The following ATM variants were observed in gnomAD, a reference collection of about 807,000 sequenced individuals.
ATM encodes the protein serine-protein kinase ATM.
ATM carries 308 observed loss-of-function variants against 387.0 expected under a neutral mutation model. The ratio of observed to expected loss-of-function variants is 0.80; its 90% CI spans 0.73 to 0.87. ATM has a LOEUF of 0.87. Among genes scored for constraint, ATM ranks in the 40% least tolerant of loss-of-function variants. The pLI, the probability that ATM is intolerant of heterozygous loss-of-function variation, is 0.00. For synonymous variants in ATM, 1,156 were observed against 1,187.3 expected (o/e 0.97, Z 0.54); for missense variants, 3,312 against 3,560.9 (o/e 0.93, Z 1.78).
At chr11:108,233,059 A>G (rs561313927) in intron 4 of ATM, among the ~76,000 whole-genome samples, 1 of 151,910 alleles carries the variant, frequency 6.6e-6, no homozygotes, top group East Asian at 1.9e-4. Context: ...ACGGGGTTTC[A>G]CCACATTGGT....
Position 108,297,397 on chromosome 11 carries a change from T to G in ATM, c.5005+15T>G, listed in dbSNP as rs377355762. 4 of 1,574,974 alleles carry G rather than the reference T, an allele frequency of 2.5e-6. No individual in the cohort carries two copies. The South Asian group carries it at 3.3e-5, about 13-fold the overall frequency. ...AGAAGTTCTAGGTAAACTACAGTCATGCGCTGCGTGACATTTCAGTCAACT... is the reference window on the plus strand; with the variant it reads ...AGAAGTTCTAGGTAAACTACAGTCAGGCGCTGCGTGACATTTCAGTCAACT... On this transcript the variant is annotated intron_variant, in intron 33 of 62. Transcript: ENST00000675843.
chr11:108,339,210 A>G (rs1012323488), intron 56 of ATM, among the ~76,000 whole-genome samples: 3 of 152,178 alleles, frequency 2.0e-5, no homozygotes, highest in Non-Finnish European at 4.4e-5. Flanking sequence ...CATTGTTACA[A>G]AGTATACTGA....
At chr11:108,273,030 T>C (rs2081687753) in intron 22 of ATM, among the ~76,000 whole-genome samples, 178 bp downstream of exon 22, 1 of 152,214 alleles carries the variant, frequency 6.6e-6, no homozygotes, top group Admixed American at 6.5e-5. Flanking sequence ...TAGATTCTAT[T>C]ATTTCCTTCA....
intron 40 of ATM, 59 bp downstream of exon 40, chr11:108,312,557 T>C: frequency 8.1e-7 from 1 of 1,235,422 alleles, no homozygotes; most frequent in Non-Finnish European, 1.2e-6. Context: ...TGGGTTATTT[T>C]GTTATAGACA....
intron 9 of ATM, 22 bp downstream of exon 9, chr11:108,249,124 A>G (rs1417495845): frequency 6.2e-7 from 1 of 1,612,488 alleles, no homozygotes; most frequent in Non-Finnish European, 8.5e-7. Context: ...CCATTTTCTC[A>G]TTCAGTGTCA....
intron 50 of ATM, 67 bp downstream of exon 50, chr11:108,330,488 C>G: frequency 1.3e-6 from 2 of 1,498,384 alleles, no homozygotes; most frequent in South Asian, 2.3e-5. Flanking sequence ...CCCTTGATGT[C>G]AGGAATCGTG....
chr11:108,313,067 A>G (rs1397583380), intron 40 of ATM, among the ~76,000 whole-genome samples: 1 of 152,158 alleles, frequency 6.6e-6, no homozygotes, highest in Non-Finnish European at 1.5e-5. Context: ...TAGAGAGGAA[A>G]TCTCGCCACA....
intron 59 of ATM, among the ~76,000 whole-genome samples, chr11:108,351,656 A>G (rs573799685): frequency 2.6e-5 from 4 of 152,232 alleles, no homozygotes; most frequent in African/African-American, 9.6e-5. Context: ...TCCTGGACCT[A>G]CTCAGCATCT....
At chr11:108,302,010 G>A (rs1235598370) in intron 35 of ATM, among the ~76,000 whole-genome samples, 1 of 152,122 alleles carries the variant, frequency 6.6e-6, no homozygotes, top group Non-Finnish European at 1.5e-5. Context: ...GGAAATAGTA[G>A]TTGATTTTTG....
rs1423446897 is a variant in ATM at position 108,257,604 on chromosome 11, A to G, written c.2374A>G (p.Lys792Glu). Residue 792 changes from lysine to glutamate, a missense_variant and splice_region_variant, in exon 15 of 63, where the codon AAG (lysine) becomes GAG (glutamate). By Grantham distance (56) the Lys-to-Glu change is moderately conservative. Transcript: ENST00000675843. ...LCTRCLSNCT[K>E]KSPNKIASGF... is the part of the protein sequence containing the mutation. ...TACACGTTGCTTGAGCAACTGTACC[A>G]AGGTAAGATTTTCTTCTTCTTGTTT... 3.7e-6 allele frequency: 6 copies of G among 1,613,502 alleles called. No individual in the cohort carries two copies. The highest frequency in any genetic ancestry group is 5.1e-6 in the Non-Finnish European group (6 of 1,179,944).
intron 56 of ATM, among the ~76,000 whole-genome samples, chr11:108,338,632 G>T (rs913102124): frequency 1.3e-5 from 2 of 151,894 alleles, no homozygotes; most frequent in Middle Eastern, 3.2e-3. Flanking sequence ...GTCCAGTCTG[G>T]ACAACAGAGC....
intron 16 of ATM, among the ~76,000 whole-genome samples, chr11:108,264,441 C>T (rs2081095042): frequency 6.6e-6 from 1 of 152,136 alleles, no homozygotes; most frequent in Middle Eastern, 3.2e-3. Context: ...ACCCTTCATG[C>T]CAAAAACTCT....
chr11:108,313,374 A>C (rs2084336186), intron 40 of ATM, among the ~76,000 whole-genome samples: 1 of 151,998 alleles, frequency 6.6e-6, no homozygotes, highest in Admixed American at 6.6e-5. Flanking sequence ...CTCACAGACA[A>C]ACTTTGTGAA....
chr11:108,294,041 TC>T (rs2082987070), intron 31 of ATM, among the ~76,000 whole-genome samples: 2 of 151,638 alleles, frequency 1.3e-5, no homozygotes, highest in South Asian at 4.2e-4. Context: ...TAACAAAACT[TC>T]CTGGTAAAGA....
Position 108,301,889 on chromosome 11 carries a change from C to T in ATM, c.5319+100C>T, listed in dbSNP as rs575863899. Reference sequence around the variant, plus strand: ...TTAAATTGCTTGAAATAGTATTGTACTAACTATTAACCTTTCCTATAAGTA... The same window carrying T: ...TTAAATTGCTTGAAATAGTATTGTATTAACTATTAACCTTTCCTATAAGTA... On this transcript the variant is annotated intron_variant, in intron 35 of 62. Coordinates refer to ENST00000675843, the MANE Select transcript of ATM (RefSeq NM_000051.4). 4 of 1,264,992 alleles carry T rather than the reference C, an allele frequency of 3.2e-6. No homozygotes were observed. The African/African-American group carries it at 5.9e-5, about 19-fold the overall frequency. 78.4% of individuals were successfully genotyped at this position (1,264,992 alleles called of 1,614,324 possible).
intron 26 of ATM, among the ~76,000 whole-genome samples, chr11:108,287,005 A>G (rs1218350202): frequency 6.6e-6 from 1 of 152,150 alleles, no homozygotes; most frequent in African/African-American, 2.4e-5. Flanking sequence ...CTACCTGTCT[A>G]TAGTGGGAAG....
At chr11:108,245,085 AG>A in intron 7 of ATM, 59 bp downstream of exon 7, 1 of 1,357,542 alleles carries the variant, frequency 7.4e-7, no homozygotes, top group Middle Eastern at 2.4e-4. Flanking sequence ...TAGAAGTCTA[AG>A]TATAAAATTA....
At position 108,365,438 on chromosome 11, in the gene ATM, T is replaced by G. The variant is rs1555151992; in HGVS notation, c.9101T>G (p.Leu3034Trp). 2 of 1,614,212 alleles carry G rather than the reference T, an allele frequency of 1.2e-6. No homozygotes were observed. Among genetic ancestry groups the G allele is most frequent in the Non-Finnish European group, 1.7e-6 (2 of 1,180,038 alleles). The change falls in exon 63 of 63, where the codon TTG becomes TGG. Residue 3034 changes from leucine to tryptophan, a missense_variant. Leu to Trp is a moderately conservative substitution (Grantham distance 61, BLOSUM62 -2). Around this residue, in one of 4 missense-constraint regions of ATM, gnomAD observed 95 missense variants for 100.3 expected, o/e 0.95. Coordinates refer to ENST00000675843, the MANE Select transcript of ATM (RefSeq NM_000051.4). ...CTCAGTGTTGGTGGACAAGTGAATT[T>G]GCTCATACAGCAGGCCATAGACCCC... The part of the protein sequence containing the change: ...TVLSVGGQVN[L>W]LIQQAIDPKN...
In ATM at chr11:108,303,043, T is replaced by G. The variant is rs1172938746; in HGVS notation, c.5496+14T>G. ...CCAATGTGTGAAGTAAGAAGATTAA[T>G]TAGTCTGATATAATTCCTTGTTTAT... On this transcript the variant is annotated intron_variant, in intron 36 of 62. Coordinates refer to ENST00000675843, the MANE Select transcript of ATM (RefSeq NM_000051.4). 1.2e-5 allele frequency: 19 copies of G among 1,601,640 alleles called. No homozygotes were observed. The highest frequency in any genetic ancestry group is 1.5e-5 in the Non-Finnish European group (18 of 1,169,110).
Sources: allele counts gnomAD v4.1 joint callset (sites outside exome capture counted in the v4.1 genomes callset), GRCh38; gene constraint gnomAD v4.1.1; regional missense constraint gnomAD v4.1.1; transcripts MANE v1.5; gene names NCBI Gene and HGNC (gene_info 2026-07-23, HGNC 2026-07-21).